Variants in ERCC6L2 observed in about 807,000 individuals in gnomAD.
ERCC6L2 encodes the protein DNA excision repair protein ERCC-6-like 2.
Under a neutral mutation model 132.0 loss-of-function variants are expected in ERCC6L2, and 77 were observed. The observed-to-expected ratio is 0.58, with a 90% CI of 0.49 to 0.71. ERCC6L2 has a LOEUF of 0.71. ERCC6L2 is among the 30% of genes least tolerant of loss of function. ERCC6L2 has a pLI of 0.00. For synonymous variants in ERCC6L2, 583 were observed against 632.4 expected, an observed-to-expected ratio of 0.92 and a Z score of 1.17; for missense variants, 1,542 against 1,837.6, an observed-to-expected ratio of 0.84 and a Z score of 2.94.
chr9:95,888,976 A>G (rs1274587104), intron 2 of ERCC6L2, among the ~76,000 whole-genome samples: 3 of 152,142 alleles, frequency 2.0e-5, no homozygotes, highest in Non-Finnish European at 4.4e-5. Context: ...ACTAAAGTTT[A>G]TTACTATTTC....
intron 18 of ERCC6L2, among the ~76,000 whole-genome samples, chr9:96,011,362 C>G (rs1001705050): frequency 6.6e-6 from 1 of 152,146 alleles, no homozygotes; most frequent in African/African-American, 2.4e-5. Flanking sequence ...ACCCGTATGA[C>G]TTCATTTAAC....
chr9:95,924,966 GGTCATA>G (rs1461640152), intron 9 of ERCC6L2, among the ~76,000 whole-genome samples: 4 of 152,074 alleles, frequency 2.6e-5, no homozygotes, highest in Admixed American at 2.6e-4. Flanking sequence ...AGCATCATCT[GGTCATA>G]TATTGATTTG....
At chr9:96,033,339 G>A (rs577763260) in intron 19 of ERCC6L2, among the ~76,000 whole-genome samples, 195 of 151,882 alleles carry the variant, frequency 1.3e-3, no homozygotes, top group African/African-American at 4.6e-3. Flanking sequence ...TCCGACTCTC[G>A]GGTTCAAGTG....
At position 95,972,432 on chromosome 9, in the gene ERCC6L2, A is replaced by G; in HGVS notation, c.2681A>G (p.Asn894Ser). 7.8e-7 allele frequency: 1 copy of G among 1,279,238 alleles called. No homozygotes were observed. Among genetic ancestry groups the G allele is most frequent in the Non-Finnish European group, 1.0e-6 (1 of 985,884 alleles). 79.2% of individuals were successfully genotyped at this position (1,279,238 alleles called of 1,614,324 possible). The change falls in exon 16 of 19, where the codon AAT (asparagine) becomes AGT (serine). Residue 894 changes from asparagine (N) to serine (S), a missense_variant. Transcript: ENST00000653738. The part of the protein sequence containing the change: ...KNTDKHCILQ[N>S]VTESEDSDVI... ...ACAGATAAACATTGCATTTTACAGA[A>G]TGTCACAGAATCAGAAGATAGTGAT...
rs1262869242 is a variant in ERCC6L2, at chr9:95,965,657, C to T, written c.1948-905C>T. Among the ~76,000 whole-genome samples, 4 of 152,192 alleles carry T rather than the reference C, an allele frequency of 2.6e-5. No individual in the cohort carries two copies. In the East Asian group the frequency reaches 5.8e-4, roughly 22 times the overall value. On this transcript the variant is annotated intron_variant, in intron 13 of 18. Coordinates refer to ENST00000653738, the MANE Select transcript of ERCC6L2 (RefSeq NM_020207.7). ...AGTAGCTGGGATTACAGGCACCCAC[C>T]ACCATGCCCAGCTAATTTTTGTATT...
intron 19 of ERCC6L2, among the ~76,000 whole-genome samples, chr9:96,026,230 T>A (rs561979860): frequency 3.5e-4 from 53 of 151,992 alleles, no homozygotes; most frequent in South Asian, 1.7e-3. Context: ...CCGTTGGGAG[T>A]CCGGGGGGTT....
In ERCC6L2 at chr9:95,902,656, T is replaced by C. The variant is rs1258767891; in HGVS notation, c.595-4422T>C. The stretch of plus-strand genomic sequence containing the variant: ...TGATAACTGGAGTTAAATTACCCCA[T>C]ATCCCCACGAGTGATGTATAAGAAT... On this transcript the variant is annotated intron_variant, in intron 3 of 18. Transcript: ENST00000653738. Among the ~76,000 whole-genome samples, 4 of 152,122 alleles carry C rather than the reference T, an allele frequency of 2.6e-5. No individual in the cohort carries two copies. In the East Asian group the frequency reaches 7.7e-4, roughly 29 times the overall value.
intron 12 of ERCC6L2, among the ~76,000 whole-genome samples, chr9:95,946,636 A>T (rs1831077901): frequency 6.6e-6 from 1 of 152,240 alleles, no homozygotes; most frequent in Middle Eastern, 3.2e-3. Context: ...ATACAGATAC[A>T]TCTCATTTTA....
chr9:96,040,216 G>C (rs371719320), intron 20 of ERCC6L2, among the ~76,000 whole-genome samples: 1 of 148,820 alleles, frequency 6.7e-6, no homozygotes, highest in Non-Finnish European at 1.5e-5. Flanking sequence ...TGTGATGGCC[G>C]CCAGCCTCTG....
chr9:95,880,544 A>G (rs1827533586), intron 1 of ERCC6L2, among the ~76,000 whole-genome samples: 2 of 152,164 alleles, frequency 1.3e-5, no homozygotes, highest in Admixed American at 1.3e-4. Context: ...CAATAAAACC[A>G]GATGCCCGTG....
At chr9:95,915,083 C>T (rs1027798132) in intron 4 of ERCC6L2, among the ~76,000 whole-genome samples, 10 of 152,138 alleles carry the variant, frequency 6.6e-5, no homozygotes, top group Non-Finnish European at 1.0e-4. Flanking sequence ...TGGACATATT[C>T]GCATTTGTCT....
At position 95,972,039 on chromosome 9, in the gene ERCC6L2, TG is replaced by T. The variant is rs1307108035; in HGVS notation, c.2291del (p.Gly764GlufsTer5). On this transcript the variant is annotated frameshift_variant, in exon 16 of 19. Coordinates refer to ENST00000653738, the MANE Select transcript of ERCC6L2 (RefSeq NM_020207.7). LOFTEE classifies it high-confidence loss of function. ...LCSDFSDEEP[V>X]GATGIKTAKN... ...AGTGACTTCAGTGATGAAGAGCCAGTGGGAGCCACAGGAATAAAGACTGCCA... is the reference window on the plus strand; with the variant it reads ...AGTGACTTCAGTGATGAAGAGCCAGTGGAGCCACAGGAATAAAGACTGCCA... The T allele has an allele frequency of 7.7e-7, 1 of 1,304,258 alleles. No homozygotes were observed. The highest frequency in any genetic ancestry group is 2.3e-5 in the Admixed American group (1 of 43,546). The allele number at this position is 1,304,258 out of a possible 1,614,324, so 80.8% of individuals were successfully genotyped here.
At chr9:95,966,083 TA>T (rs1043156624) in intron 13 of ERCC6L2, among the ~76,000 whole-genome samples, 1 of 152,170 alleles carries the variant, frequency 6.6e-6, no homozygotes, top group African/African-American at 2.4e-5. Flanking sequence ...AAAACAGTGA[TA>T]GGGTTTTTGC....
chr9:95,966,646 C>T lies in ERCC6L2; in HGVS notation c.2032C>T (p.Leu678Phe). Reference protein sequence around the residue: ...VQGSKEHQGELFGIHNLFKFR... With the variant: ...VQGSKEHQGEFFGIHNLFKFR... ...AGGATCTAAAGAGCATCAAGGAGAG[C>T]TTTTTGGGATCCATAACCTCTTCAA... The change falls in exon 14 of 19, where the codon CTT becomes TTT. Residue 678 changes from leucine (L) to phenylalanine (F), a missense_variant. Leu to Phe is a conservative substitution (Grantham distance 22). Around this residue, in one of 4 missense-constraint regions of ERCC6L2, gnomAD observed 945 missense variants for 1,105.2 expected, o/e 0.86. Transcript: ENST00000653738. The T allele has an allele frequency of 1.3e-6, 2 of 1,546,214 alleles. No individual in the cohort carries two copies. The highest frequency in any genetic ancestry group is 1.8e-6 in the Non-Finnish European group (2 of 1,132,198).
chr9:95,901,495 ACTTAGT>A (rs1828775888), intron 3 of ERCC6L2, among the ~76,000 whole-genome samples: 1 of 151,994 alleles, frequency 6.6e-6, no homozygotes, highest in Non-Finnish European at 1.5e-5. Context: ...ATTTTTCTTG[ACTTAGT>A]CTTTCCAACT....
chr9:95,928,550 G>A (rs538414450), intron 10 of ERCC6L2, among the ~76,000 whole-genome samples, 169 bp from the exon 11 acceptor site: 11 of 152,238 alleles, frequency 7.2e-5, no homozygotes, highest in African/African-American at 2.6e-4. Flanking sequence ...GCAGGATAAC[G>A]GGAATAAATA....
Position 95,978,173 on chromosome 9 carries a change from G to A in ERCC6L2, c.3450G>A (p.Gln1150=), listed in dbSNP as rs1327700634. 7.3e-7 allele frequency: 1 copy of A among 1,366,968 alleles called. No individual in the cohort carries two copies. Among genetic ancestry groups the A allele is most frequent in the Admixed American group, 1.9e-5 (1 of 52,442 alleles). The allele number at this position is 1,366,968 out of a possible 1,614,324, so 84.7% of individuals were successfully genotyped here. A position where few individuals can be genotyped will look rare whatever the true frequency, so the allele number is the denominator to read the frequency against. The change falls in exon 17 of 19, where the codon CAG becomes CAA. Residue 1150 remains glutamine, a synonymous_variant. Transcript: ENST00000653738. ...WAAHDVFELK[Q]FSQLPANIAV... is the part of the protein sequence containing the mutation. ...CACATGACGTATTTGAGTTGAAGCA[G>A]TTTTCTCAGCTGCCTGCTAACATAG...
intron 18 of ERCC6L2, among the ~76,000 whole-genome samples, chr9:96,009,106 G>A (rs1413541796): frequency 6.6e-6 from 1 of 152,238 alleles, no homozygotes; most frequent in Non-Finnish European, 1.5e-5. Context: ...TCAGCATTGT[G>A]AAAGTGACTG....
intron 4 of ERCC6L2, among the ~76,000 whole-genome samples, chr9:95,913,449 G>A (rs932658277): frequency 4.6e-5 from 7 of 151,892 alleles, no homozygotes; most frequent in Non-Finnish European, 7.4e-5. Flanking sequence ...TTGCTTGCCC[G>A]CTTGCTTGCC....
Sources: allele counts gnomAD v4.1 joint callset (sites outside exome capture counted in the v4.1 genomes callset), GRCh38; gene constraint gnomAD v4.1.1; regional missense constraint gnomAD v4.1.1; transcripts MANE v1.5; gene names NCBI Gene and HGNC (gene_info 2026-07-23, HGNC 2026-07-21).